The following LDB2 variants were observed in gnomAD, a reference collection of about 807,000 sequenced individuals.
The protein encoded by LDB2 is LIM domain binding 2.
In LDB2, 12 loss-of-function variants were observed where a neutral mutation model predicts 44.3. The ratio of observed to expected loss-of-function variants is 0.27; its 90% CI spans 0.17 to 0.44. LDB2 has a LOEUF of 0.44. Among genes scored for constraint, LDB2 ranks in the 20% least tolerant of loss-of-function variants. LDB2 has a pLI of 1.00. For synonymous variants in LDB2, 164 were observed against 174.8 expected, an observed-to-expected ratio of 0.94 and a Z score of 0.49; for missense variants, 344 against 473.5, an observed-to-expected ratio of 0.73 and a Z score of 2.54.
chr4:16,763,520 T>A (rs1768464066), intron 1 of LDB2, among the ~76,000 whole-genome samples: 1 of 151,336 alleles, frequency 6.6e-6, no homozygotes, highest in South Asian at 2.1e-4. Context: ...CAAATGTTTA[T>A]TTAGGAAAGG....
intron 2 of LDB2, among the ~76,000 whole-genome samples, chr4:16,703,465 T>C (rs1277077464): frequency 6.6e-6 from 1 of 152,180 alleles, no homozygotes; most frequent in African/African-American, 2.4e-5. Flanking sequence ...CCAGTTTTTA[T>C]CCAAGGGTAA....
intron 1 of LDB2, among the ~76,000 whole-genome samples, chr4:16,833,539 TTCCTC>T: frequency 1.5e-5 from 2 of 137,074 alleles, no homozygotes; most frequent in African/African-American, 5.7e-5. Flanking sequence ...CACCAATCTT[TTCCTC>T]TTTTTTTTTT....
At chr4:16,642,606 G>A (rs1038796583) in intron 2 of LDB2, among the ~76,000 whole-genome samples, 1 of 152,132 alleles carries the variant, frequency 6.6e-6, no homozygotes, top group Non-Finnish European at 1.5e-5. Context: ...CCTTTCCATG[G>A]ACCCAGCTTC....
intron 5 of LDB2, among the ~76,000 whole-genome samples, chr4:16,545,315 G>A (rs1735372083): frequency 6.6e-6 from 1 of 152,026 alleles, no homozygotes; most frequent in Admixed American, 6.6e-5. Flanking sequence ...AAGGGCCTTG[G>A]GTTTCCTCCT....
At chr4:16,685,283 T>C (rs560674368) in intron 2 of LDB2, among the ~76,000 whole-genome samples, 7 of 152,220 alleles carry the variant, frequency 4.6e-5, no homozygotes, top group Non-Finnish European at 1.0e-4. Flanking sequence ...CCTCACTCGC[T>C]CCATTTAACT....
At chr4:16,644,496 T>G (rs1242301482) in intron 2 of LDB2, among the ~76,000 whole-genome samples, 1 of 151,722 alleles carries the variant, frequency 6.6e-6, no homozygotes, top group Non-Finnish European at 1.5e-5. Context: ...GGCATGATCT[T>G]GGCTCACTGC....
At chr4:16,884,624 C>T (rs1459555234) in intron 1 of LDB2, among the ~76,000 whole-genome samples, 2 of 152,216 alleles carry the variant, frequency 1.3e-5, no homozygotes, top group African/African-American at 4.8e-5. Context: ...TCCATCAAGA[C>T]CTTCCTTCCC....
At position 16,576,076 on chromosome 4, in the gene LDB2, T is replaced by C. The variant is rs376237023; in HGVS notation, c.615+9846A>G. On this transcript the variant is annotated intron_variant, in intron 5 of 7. Transcript: ENST00000304523. ...TAATAGAAACATAACATACAAAACC[T>C]ATGGATACAACAAAAGCAGTACTAA... 7.2e-5 allele frequency among the ~76,000 whole-genome samples: 11 copies of C among 152,290 alleles called. No individual in the cohort carries two copies. The East Asian group carries it at 9.6e-4, about 13-fold the overall frequency.
rs576486900 is a variant in LDB2 at position 16,542,256 on chromosome 4, G to A, written c.616-30152C>T. On this transcript the variant is annotated intron_variant, in intron 5 of 7. Transcript: ENST00000304523. Reference sequence around the variant, plus strand: ...GCAAGACTGATGAAGGCCCCAGCCCGCAAAGCCTCATATTCAAAAGCTGGG... The same window carrying A: ...GCAAGACTGATGAAGGCCCCAGCCCACAAAGCCTCATATTCAAAAGCTGGG... 1.1e-4 allele frequency among the ~76,000 whole-genome samples: 17 copies of A among 152,234 alleles called. 1 individual carries two copies. Among genetic ancestry groups the A allele is most frequent in the South Asian group, 1.0e-3 (5 of 4,814 alleles).
intron 1 of LDB2, among the ~76,000 whole-genome samples, chr4:16,770,343 T>C (rs1049702116): frequency 6.6e-6 from 1 of 152,202 alleles, no homozygotes; most frequent in Non-Finnish European, 1.5e-5. Flanking sequence ...ACCCAGCATA[T>C]TCTCAAAACC....
chr4:16,834,557 G>T (rs1828854), intron 1 of LDB2, among the ~76,000 whole-genome samples: 27,487 of 152,100 alleles, frequency 0.18, 2,945 homozygotes, highest in Non-Finnish European at 0.23. Context: ...GGCCAGGCAC[G>T]GTGGCTCAAG....
In LDB2 at chr4:16,766,463, C is replaced by T. The variant is rs2872487; in HGVS notation, c.133-7203G>A. Among the ~76,000 whole-genome samples, 3 of 122,092 alleles carry T rather than the reference C, an allele frequency of 2.5e-5. No individual in the cohort carries two copies. In the South Asian group the frequency reaches 7.9e-4, roughly 32 times the overall value. The allele number at this position is 122,092 out of a possible 152,430, so 80.1% of individuals were successfully genotyped here. ...ATGTGTGTGTATATATATACACACA[C>T]ATATATGTGTGTGTGTGTGTGTGTG... On this transcript the variant is annotated intron_variant, in intron 1 of 7. Transcript: ENST00000304523.
At chr4:16,518,321 A>C (rs1379088857) in intron 5 of LDB2, among the ~76,000 whole-genome samples, 1 of 152,122 alleles carries the variant, frequency 6.6e-6, no homozygotes, top group Non-Finnish European at 1.5e-5. Flanking sequence ...TGTGAACTAC[A>C]AAGCAGTATT....
Position 16,672,824 on chromosome 4 carries a change from C to T in LDB2, c.236-76949G>A, listed in dbSNP as rs376961572. Among the ~76,000 whole-genome samples, 16 of 61,266 alleles carry T rather than the reference C, an allele frequency of 2.6e-4. No individual in the cohort carries two copies. In the East Asian group the frequency reaches 5.3e-3, roughly 20 times the overall value. 40.2% of individuals were successfully genotyped at this position (61,266 alleles called of 152,430 possible). ...AAGAACTGCTTGCGTGCCTGCCTGC[C>T]TGCCTTCTTTCCTTCCTTCCTTCCT... On this transcript the variant is annotated intron_variant, in intron 2 of 7. Coordinates refer to ENST00000304523, the MANE Select transcript of LDB2 (RefSeq NM_001290.5).
At chr4:16,632,963 T>C (rs1332663037) in intron 2 of LDB2, among the ~76,000 whole-genome samples, 2 of 152,234 alleles carry the variant, frequency 1.3e-5, no homozygotes, top group East Asian at 3.8e-4. Context: ...TTATAAATCA[T>C]GCTGCTATAA....
At chr4:16,563,093 C>T (rs1743025733) in intron 5 of LDB2, among the ~76,000 whole-genome samples, 1 of 151,864 alleles carries the variant, frequency 6.6e-6, no homozygotes, top group African/African-American at 2.4e-5. Flanking sequence ...GGAGGGATAG[C>T]ATTAGGAGAT....
intron 1 of LDB2, among the ~76,000 whole-genome samples, chr4:16,808,960 G>T (rs1478536376): frequency 6.6e-6 from 1 of 152,104 alleles, no homozygotes; most frequent in Admixed American, 6.6e-5. Context: ...AGTCCCTTTT[G>T]CATTTTGTGG....
chr4:16,869,608 C>T (rs1005417466), intron 1 of LDB2, among the ~76,000 whole-genome samples: 9 of 152,136 alleles, frequency 5.9e-5, no homozygotes, highest in Non-Finnish European at 1.2e-4. Context: ...GAGGCATGGT[C>T]GACCTGAAAT....
intron 1 of LDB2, among the ~76,000 whole-genome samples, chr4:16,845,591 T>C (rs1322213142): frequency 6.6e-6 from 1 of 152,194 alleles, no homozygotes; most frequent in South Asian, 2.1e-4. Flanking sequence ...CTACTGTTTC[T>C]TGCAGCAACA....
Sources: allele counts gnomAD v4.1 joint callset (sites outside exome capture counted in the v4.1 genomes callset), GRCh38; gene constraint gnomAD v4.1.1; transcripts MANE v1.5; gene names NCBI Gene and HGNC (gene_info 2026-07-23, HGNC 2026-07-21).